RCOR1: variants seen among roughly 807,000 people sequenced by gnomAD.
RCOR1 encodes REST corepressor 1.
In RCOR1, 12 loss-of-function variants were observed where a neutral mutation model predicts 64.0. The observed-to-expected ratio is 0.19, with a 90% CI of 0.12 to 0.30. The LOEUF (loss-of-function observed/expected upper bound fraction) is 0.30, where lower values mean the gene tolerates loss of function less well. Among genes scored for constraint, RCOR1 ranks in the 10% least tolerant of loss-of-function variants. The pLI is 1.00. For synonymous variants in RCOR1, 279 were observed against 227.2 expected (o/e 1.23, Z -2.05); for missense variants, 502 against 621.2 (o/e 0.81, Z 2.04).
At chr14:102,613,598 A>T (rs1321328659) in intron 2 of RCOR1, among the ~76,000 whole-genome samples, 1 of 151,138 alleles carries the variant, frequency 6.6e-6, no homozygotes, top group African/African-American at 2.4e-5. Flanking sequence ...GCGCCCGGCT[A>T]ATTTTTTGTA....
At chr14:102,624,173 G>A (rs1416474777) in intron 2 of RCOR1, among the ~76,000 whole-genome samples, 2 of 151,888 alleles carry the variant, frequency 1.3e-5, no homozygotes, top group Non-Finnish European at 2.9e-5. Flanking sequence ...TCCAGCCTGG[G>A]CGACAGAGGG....
At chr14:102,703,940 G>T (rs1223053849) in intron 4 of RCOR1, among the ~76,000 whole-genome samples, 1 of 152,204 alleles carries the variant, frequency 6.6e-6, no homozygotes, top group Non-Finnish European at 1.5e-5. Context: ...ACATCTGCAG[G>T]CATCTTACGT....
At chr14:102,632,427 G>A (rs1894133435) in intron 2 of RCOR1, among the ~76,000 whole-genome samples, 1 of 149,558 alleles carries the variant, frequency 6.7e-6, no homozygotes, top group Non-Finnish European at 1.5e-5. Flanking sequence ...ACGTGTTCTC[G>A]ATGTCCTGAC....
intron 2 of RCOR1, among the ~76,000 whole-genome samples, chr14:102,660,935 C>T (rs1374702839): frequency 6.6e-6 from 1 of 152,000 alleles, no homozygotes; most frequent in African/African-American, 2.4e-5. Context: ...TTAAAAAGGG[C>T]AAAATTGTAT....
At chr14:102,593,364 C>T (rs1893174615) in intron 2 of RCOR1, 39 bp downstream of exon 2, 2 of 1,484,082 alleles carry the variant, frequency 1.3e-6, no homozygotes, top group East Asian at 2.8e-5. Context: ...CGGGGATGAG[C>T]GGGAGCCCCG....
At chr14:102,652,068 T>A (rs143005188) in intron 2 of RCOR1, among the ~76,000 whole-genome samples, 11 of 152,238 alleles carry the variant, frequency 7.2e-5, no homozygotes. Context: ...GCTTTAGATA[T>A]GAGCCTTGTA....
intron 2 of RCOR1, among the ~76,000 whole-genome samples, chr14:102,613,480 G>A (rs1280758517): frequency 4.8e-5 from 7 of 144,614 alleles, no homozygotes; most frequent in Admixed American, 7.0e-5. Context: ...TCGCCCAGGC[G>A]GGAGTGCTGT....
chr14:102,633,443 C>T (rs1262280840), intron 2 of RCOR1, among the ~76,000 whole-genome samples: 1 of 152,116 alleles, frequency 6.6e-6, no homozygotes, highest in Admixed American at 6.5e-5. Flanking sequence ...ATTGTCCCTC[C>T]TTGGCCTCTT....
chr14:102,723,900 A>C (rs900004203), intron 11 of RCOR1, among the ~76,000 whole-genome samples: 1 of 152,214 alleles, frequency 6.6e-6, no homozygotes, highest in Non-Finnish European at 1.5e-5. Context: ...CTGGGCTGGC[A>C]TAACAAATCT....
intron 3 of RCOR1, among the ~76,000 whole-genome samples, chr14:102,697,878 G>A (rs1421541250): frequency 6.6e-6 from 1 of 152,016 alleles, no homozygotes; most frequent in Non-Finnish European, 1.5e-5. Flanking sequence ...GCACCACCGT[G>A]CCCAGCTGAT....
intron 3 of RCOR1, among the ~76,000 whole-genome samples, chr14:102,683,960 G>T (rs1895358884): frequency 6.6e-6 from 1 of 152,188 alleles, no homozygotes; most frequent in Non-Finnish European, 1.5e-5. Context: ...AGGCGCCTGG[G>T]TGCGCCGTGA....
intron 3 of RCOR1, among the ~76,000 whole-genome samples, chr14:102,683,129 A>T (rs1895339352): frequency 6.6e-6 from 1 of 152,186 alleles, no homozygotes; most frequent in Non-Finnish European, 1.5e-5. Flanking sequence ...TTGATTTTTA[A>T]ACAGTGGTGT....
chr14:102,711,666 CAG>C (rs965070404), intron 7 of RCOR1, among the ~76,000 whole-genome samples: 3 of 152,140 alleles, frequency 2.0e-5, no homozygotes, highest in African/African-American at 4.8e-5. Context: ...AAAAATTTCT[CAG>C]AGAGTTCTCT....
chr14:102,647,926 A>G (rs376373246), intron 2 of RCOR1, among the ~76,000 whole-genome samples: 2 of 151,878 alleles, frequency 1.3e-5, no homozygotes, highest in East Asian at 3.9e-4. Context: ...TGAGCCGCCT[A>G]CCTTGTGCTC....
At chr14:102,605,490 C>T (rs1211941277) in intron 2 of RCOR1, among the ~76,000 whole-genome samples, 2 of 152,138 alleles carry the variant, frequency 1.3e-5, no homozygotes, top group Non-Finnish European at 2.9e-5. Flanking sequence ...AAATTTCTGT[C>T]GCCTAGTAAC....
chr14:102,640,017 G>T (rs1405486156), intron 2 of RCOR1, among the ~76,000 whole-genome samples: 2 of 152,048 alleles, frequency 1.3e-5, no homozygotes, highest in African/African-American at 4.8e-5. Flanking sequence ...GGCTAATTTT[G>T]TGTTTTTAGT....
chr14:102,722,498 C>A, intron 11 of RCOR1, 82 bp downstream of exon 11: 2 of 1,172,752 alleles, frequency 1.7e-6, no homozygotes, highest in Non-Finnish European at 2.5e-6. Flanking sequence ...ATTTTTTCAG[C>A]TATAGAGATT....
chr14:102,595,037 T>G (rs1180919619), intron 2 of RCOR1, among the ~76,000 whole-genome samples: 1 of 152,238 alleles, frequency 6.6e-6, no homozygotes. Flanking sequence ...GAATTAGATT[T>G]CTGACATTCA....
intron 2 of RCOR1, among the ~76,000 whole-genome samples, chr14:102,624,770 T>G (rs1452251965): frequency 6.7e-6 from 1 of 148,812 alleles, no homozygotes; most frequent in East Asian, 2.0e-4. Flanking sequence ...TGTCTCCTCC[T>G]CAGAAAAAAA....
Sources: gnomAD v4.1 joint callset for allele counts (sites outside exome capture counted in the v4.1 genomes callset) on GRCh38, gnomAD v4.1.1 for gene constraint, MANE v1.5 for transcripts, NCBI Gene and HGNC (gene_info 2026-07-23, HGNC 2026-07-21) for gene names.